PPARD: variants seen among roughly 807,000 people sequenced by gnomAD.
The protein encoded by PPARD is peroxisome proliferator activated receptor delta.
In PPARD, 6 loss-of-function variants were observed where a neutral mutation model predicts 39.5. That is an observed-to-expected ratio of 0.15 (90% CI 0.08 to 0.30). The LOEUF (loss-of-function observed/expected upper bound fraction) is 0.30. Among genes scored for constraint, PPARD ranks in the 10% least tolerant of loss-of-function variants. The pLI is 1.00. For missense variants in PPARD, 397 were observed against 596.8 expected (o/e 0.67, Z 3.49); for synonymous variants, 210 against 231.3 (o/e 0.91, Z 0.83).
chr6:35,346,997 T>C (rs1361627406), intron 1 of PPARD, 70 bp from the exon 2 acceptor site: 1 of 943,826 alleles, frequency 1.1e-6, no homozygotes, highest in Non-Finnish European at 1.6e-6. Context: ...TGGGTATAAC[T>C]TATTAGAGTT....
chr6:35,406,660 G>C (rs2150755996), intron 2 of PPARD, among the ~76,000 whole-genome samples: 1 of 152,280 alleles, frequency 6.6e-6, no homozygotes, highest in East Asian at 1.9e-4. Flanking sequence ...ATGTCAGCGT[G>C]GGAACTAGAG....
chr6:35,367,272 A>G (rs1762257308), intron 2 of PPARD, among the ~76,000 whole-genome samples: 1 of 152,216 alleles, frequency 6.6e-6, no homozygotes, highest in Admixed American at 6.5e-5. Context: ...TAGGGCGAGT[A>G]TAAATAGTTC....
chr6:35,400,169 C>T (rs923762556), intron 2 of PPARD, among the ~76,000 whole-genome samples: 10 of 152,170 alleles, frequency 6.6e-5, no homozygotes, highest in Admixed American at 2.0e-4. Context: ...CCTGCCTCCC[C>T]GCTGCAATTG....
At chr6:35,343,676 A>G (rs947321012) in intron 1 of PPARD, among the ~76,000 whole-genome samples, 1 of 152,240 alleles carries the variant, frequency 6.6e-6, no homozygotes, top group Admixed American at 6.5e-5. Context: ...CTCAGCTTTA[A>G]TACTTCCCCT....
In PPARD at chr6:35,342,621, G is replaced by A. The variant is rs928975837; in HGVS notation, c.-246G>A. The A allele has an allele frequency of 6.5e-6, 1 of 152,758 alleles. No individual in the cohort carries two copies. The highest frequency in any genetic ancestry group is 1.5e-5 in the Non-Finnish European group (1 of 68,468). 9.5% of individuals were successfully genotyped at this position (152,758 alleles called of 1,614,324 possible). ...ATTAATGGGAAAAGTTTTGGCAGGA[G>A]CGGGAGAATTCTGCGGAGCCTGCGG... On this transcript the variant is annotated 5_prime_UTR_variant, in exon 1 of 8. Coordinates refer to ENST00000360694, the MANE Select transcript of PPARD (RefSeq NM_006238.5).
At chr6:35,371,364 C>G (rs1029964139) in intron 2 of PPARD, among the ~76,000 whole-genome samples, 11 of 152,176 alleles carry the variant, frequency 7.2e-5, no homozygotes, top group African/African-American at 2.7e-4. Flanking sequence ...TCTCTCCTCT[C>G]CCTCCACGCG....
At chr6:35,349,087 G>A (rs1761068005) in intron 2 of PPARD, 6 of 898,712 alleles carry the variant, frequency 6.7e-6, no homozygotes, top group Non-Finnish European at 6.6e-6. Context: ...GTGCAGTGGC[G>A]CGATCTAGGC....
intron 2 of PPARD, among the ~76,000 whole-genome samples, chr6:35,397,975 G>A (rs779309164): frequency 5.9e-5 from 9 of 152,174 alleles, no homozygotes; most frequent in Non-Finnish European, 8.8e-5. Context: ...CGCTGCAAAG[G>A]CCCACTGAAG....
At chr6:35,397,145 G>A (rs187699739) in intron 2 of PPARD, among the ~76,000 whole-genome samples, 19 of 152,066 alleles carry the variant, frequency 1.2e-4, no homozygotes, top group African/African-American at 3.9e-4. Context: ...AAATATAAAC[G>A]TTTTAAAGGC....
In PPARD at chr6:35,374,310, G is replaced by GCA. The variant is rs1554205497; in HGVS notation, c.-102+27160_-102+27161insCA. Among the ~76,000 whole-genome samples the GCA allele has an allele frequency of 7.6e-5, 11 of 145,482 alleles. 1 individual carries two copies. Among genetic ancestry groups the GCA allele is most frequent in the African/African-American group, 3.1e-4 (11 of 35,496 alleles). On this transcript the variant is annotated intron_variant, in intron 2 of 7. Coordinates refer to ENST00000360694, the MANE Select transcript of PPARD (RefSeq NM_006238.5). ...AGGTCATGGTTAGTTCTCGGCGGTGGGGCGGGGGGGTTTAGTGGGCAATTG... is the reference window on the plus strand; with the variant it reads ...AGGTCATGGTTAGTTCTCGGCGGTGGCAGGCGGGGGGGTTTAGTGGGCAATTG...
chr6:35,345,371 G>A (rs775121449), intron 1 of PPARD, among the ~76,000 whole-genome samples: 3 of 151,552 alleles, frequency 2.0e-5, no homozygotes, highest in Non-Finnish European at 4.4e-5. Flanking sequence ...CTGTAACCTC[G>A]AACTCCTGGG....
chr6:35,376,976 C>T (rs565475446), intron 2 of PPARD, among the ~76,000 whole-genome samples: 3 of 150,946 alleles, frequency 2.0e-5, no homozygotes, highest in Admixed American at 2.0e-4. Flanking sequence ...GCTGAGATCA[C>T]GCCACTGCAC....
intron 2 of PPARD, among the ~76,000 whole-genome samples, chr6:35,386,339 C>T (rs7763692): frequency 0.28 from 25,008 of 88,966 alleles, 5,375 homozygotes; most frequent in African/African-American, 0.63. Context: ...TTTTTTTTTT[C>T]AGTGAGCCAG....
chr6:35,343,332 CT>C (rs2150399243), intron 1 of PPARD, among the ~76,000 whole-genome samples: 1 of 152,286 alleles, frequency 6.6e-6, no homozygotes, highest in African/African-American at 2.4e-5. Flanking sequence ...CAGTCCCTGT[CT>C]CCCTAAGACT....
intron 2 of PPARD, among the ~76,000 whole-genome samples, chr6:35,350,105 C>T (rs754521745): frequency 2.0e-5 from 3 of 152,208 alleles, no homozygotes; most frequent in Non-Finnish European, 2.9e-5. Flanking sequence ...TTAGATTATT[C>T]GTTTTTTTCC....
intron 5 of PPARD, among the ~76,000 whole-genome samples, 199 bp from the exon 6 acceptor site, chr6:35,423,747 C>CAA (rs376633720): frequency 1.4e-5 from 2 of 139,756 alleles, no homozygotes; most frequent in Non-Finnish European, 3.1e-5. Context: ...AAAGATACAC[C>CAA]AAAAAAAAAA....
chr6:35,348,856 A>G (rs1582265901), intron 2 of PPARD: 1 of 985,258 alleles, frequency 1.0e-6, no homozygotes, highest in South Asian at 4.7e-5. Flanking sequence ...AGGTCAAAGT[A>G]CCTCCTGAGC....
intron 2 of PPARD, among the ~76,000 whole-genome samples, chr6:35,380,468 T>TTG (rs200474929): frequency 5.9e-4 from 56 of 94,908 alleles, no homozygotes; most frequent in African/African-American, 2.3e-3. Context: ...TGTTTTTTTT[T>TTG]TTTGTTTGTT....
intron 3 of PPARD, among the ~76,000 whole-genome samples, chr6:35,415,375 G>A (rs1033897275): frequency 5.3e-4 from 81 of 152,324 alleles, no homozygotes; most frequent in African/African-American, 1.7e-3. Flanking sequence ...GACCAATCGG[G>A]CGCCTCCTGG....
Sources: gnomAD v4.1 joint callset for allele counts (sites outside exome capture counted in the v4.1 genomes callset) on GRCh38, gnomAD v4.1.1 for gene constraint, MANE v1.5 for transcripts, NCBI Gene and HGNC (gene_info 2026-07-23, HGNC 2026-07-21) for gene names.